PIGU: variants seen among roughly 807,000 people sequenced by gnomAD.
PIGU encodes the protein phosphatidylinositol glycan anchor biosynthesis class U.
PIGU carries 24 observed loss-of-function variants against 49.9 expected under a neutral mutation model. The observed-to-expected ratio is 0.48, with a 90% CI of 0.35 to 0.68. PIGU has a LOEUF of 0.68. Among genes scored for constraint, PIGU ranks in the 30% least tolerant of loss-of-function variants. The pLI is 0.01. For missense variants in PIGU, 490 were observed against 532.6 expected, an observed-to-expected ratio of 0.92 and a Z score of 0.79; for synonymous variants, 220 against 205.7, an observed-to-expected ratio of 1.07 and a Z score of -0.59.
chr20:34,580,657 T>C (rs1046965314), intron 10 of PIGU, among the ~76,000 whole-genome samples: 2 of 152,202 alleles, frequency 1.3e-5, no homozygotes, highest in Admixed American at 6.5e-5. Flanking sequence ...ACTGCCTCTT[T>C]ATTGGGGAGG....
chr20:34,653,021 G>A (rs150641475), intron 2 of PIGU, among the ~76,000 whole-genome samples: 125 of 148,574 alleles, frequency 8.4e-4, no homozygotes, highest in African/African-American at 3.0e-3. Flanking sequence ...CGCCCAGGTT[G>A]GAGTGCAGTG....
At chr20:34,663,727 A>C (rs1986996592) in intron 1 of PIGU, among the ~76,000 whole-genome samples, 1 of 152,224 alleles carries the variant, frequency 6.6e-6, no homozygotes, top group African/African-American at 2.4e-5. Context: ...GCTGCGTAAT[A>C]GCTATTAAAT....
intron 7 of PIGU, among the ~76,000 whole-genome samples, chr20:34,603,240 G>A (rs1397396086): frequency 6.6e-6 from 1 of 152,032 alleles, no homozygotes; most frequent in African/African-American, 2.4e-5. Context: ...TTGTCAGGAG[G>A]CTTGGTTTTT....
At chr20:34,605,498 C>T (rs1984578874) in intron 7 of PIGU, among the ~76,000 whole-genome samples, 1 of 152,180 alleles carries the variant, frequency 6.6e-6, no homozygotes, top group Admixed American at 6.5e-5. Flanking sequence ...GTGATCATGT[C>T]CTTTCATGAA....
intron 7 of PIGU, among the ~76,000 whole-genome samples, chr20:34,599,151 T>C (rs1984313651): frequency 6.6e-6 from 1 of 152,144 alleles, no homozygotes; most frequent in Admixed American, 6.6e-5. Flanking sequence ...AGTAAGACAC[T>C]AATCTCACCA....
intron 11 of PIGU, among the ~76,000 whole-genome samples, chr20:34,566,272 A>T (rs928214826): frequency 1.3e-5 from 2 of 152,214 alleles, no homozygotes; most frequent in African/African-American, 4.8e-5. Context: ...CCTCCCAACC[A>T]AATGGGGCTG....
At chr20:34,638,010 G>C in intron 4 of PIGU, 25 bp from the exon 5 acceptor site, 1 of 1,556,528 alleles carries the variant, frequency 6.4e-7, no homozygotes, top group South Asian at 1.2e-5. Context: ...AAAAGGAAAA[G>C]ATAAAACACA....
chr20:34,646,853 C>T (rs981313713), intron 2 of PIGU, among the ~76,000 whole-genome samples: 4 of 151,714 alleles, frequency 2.6e-5, no homozygotes, highest in Non-Finnish European at 5.9e-5. Context: ...GACAGACTCT[C>T]GCACTGTTGC....
At chr20:34,565,813 TCACA>T (rs10582086) in intron 11 of PIGU, among the ~76,000 whole-genome samples, 2 of 148,176 alleles carry the variant, frequency 1.3e-5, no homozygotes, top group Non-Finnish European at 3.0e-5. Flanking sequence ...CTTGCACTGC[TCACA>T]CAGGCTCGCA....
chr20:34,590,924 G>C (rs1057206335), intron 7 of PIGU, among the ~76,000 whole-genome samples: 1 of 151,996 alleles, frequency 6.6e-6, no homozygotes, highest in Non-Finnish European at 1.5e-5. Flanking sequence ...AGGAGGCTGA[G>C]GCAGGAGAAT....
chr20:34,591,404 C>A lies in PIGU; in HGVS notation c.628-2797G>T, dbSNP rs562602643. 2.8e-4 allele frequency among the ~76,000 whole-genome samples: 42 copies of A among 152,268 alleles called. No homozygotes were observed. In the South Asian group the frequency reaches 8.5e-3, roughly 31 times the overall value. On this transcript the variant is annotated intron_variant, in intron 7 of 11. Transcript: ENST00000217446. ...GAAGCACATTTCACAAGTTTAATCT[C>A]ATAAGATCTTACAAATCATACTTAT...
chr20:34,609,141 CAAACAAA>C lies in PIGU; in HGVS notation c.627+6894_627+6900del, dbSNP rs1452642233. 2.6e-5 allele frequency among the ~76,000 whole-genome samples: 4 copies of C among 151,818 alleles called. No individual in the cohort carries two copies. The East Asian group carries it at 5.8e-4, about 22-fold the overall frequency. On this transcript the variant is annotated intron_variant, in intron 7 of 11. Coordinates refer to ENST00000217446, the MANE Select transcript of PIGU (RefSeq NM_080476.5). Reference sequence around the variant, plus strand: ...AAAAAAAACCAACCAACCAACCAAACAAACAAAAAACAAAAAACAAGCCAGCCATGGT... The same window carrying C: ...AAAAAAAACCAACCAACCAACCAAACAAACAAAAAACAAGCCAGCCATGGT...
At chr20:34,640,835 C>T (rs1986136153) in intron 4 of PIGU, among the ~76,000 whole-genome samples, 1 of 152,148 alleles carries the variant, frequency 6.6e-6, no homozygotes, top group African/African-American at 2.4e-5. Flanking sequence ...CTCTATACAG[C>T]CCTTTCCTTG....
chr20:34,595,095 CAAAAAAAAAAAAAAAAAA>C (rs71194627), intron 7 of PIGU, among the ~76,000 whole-genome samples: 2 of 71,334 alleles, frequency 2.8e-5, no homozygotes, highest in Admixed American at 4.1e-4. Flanking sequence ...GACTCCGTCT[CAAAAAAAAAAAAAAAAAA>C]AAAAAGAAAA....
chr20:34,613,388 C>T (rs1026291769), intron 7 of PIGU, among the ~76,000 whole-genome samples: 3 of 152,204 alleles, frequency 2.0e-5, no homozygotes, highest in Non-Finnish European at 4.4e-5. Flanking sequence ...AGCTGCTTGA[C>T]TTAATGAGTC....
At chr20:34,674,309 C>G (rs1853057) in intron 1 of PIGU, among the ~76,000 whole-genome samples, 59,327 of 151,428 alleles carry the variant, frequency 0.39, 11,976 homozygotes, top group Admixed American at 0.56. Flanking sequence ...GAGCCGAGAT[C>G]GCGCCATTGC....
rs1349884771 is a variant in PIGU, at chr20:34,611,650, A to G, written c.627+4392T>C. On this transcript the variant is annotated intron_variant, in intron 7 of 11. Transcript: ENST00000217446. ...AACAGAGCAAGACTCAAGTCTCAGA[A>G]AAAAAAAAAAAAAAAGACAAAAAAA... 6.4e-3 allele frequency among the ~76,000 whole-genome samples: 361 copies of G among 56,026 alleles called. 2 individuals are homozygous for G. Among genetic ancestry groups the G allele is most frequent in the African/African-American group, 0.031 (345 of 11,016 alleles). 36.8% of individuals were successfully genotyped at this position (56,026 alleles called of 152,430 possible).
At chr20:34,672,865 A>T (rs1312570126) in intron 1 of PIGU, among the ~76,000 whole-genome samples, 5 of 150,326 alleles carry the variant, frequency 3.3e-5, no homozygotes, top group Non-Finnish European at 7.4e-5. Flanking sequence ...TCAAAAAAAA[A>T]AAAAAAAAAA....
intron 9 of PIGU, among the ~76,000 whole-genome samples, chr20:34,583,323 G>A (rs1198824302): frequency 2.6e-5 from 4 of 152,184 alleles, no homozygotes; most frequent in Admixed American, 6.5e-5. Context: ...GTGAAAATGC[G>A]GTGACAAAAA....
Sources: allele counts gnomAD v4.1 joint callset (sites outside exome capture counted in the v4.1 genomes callset), GRCh38; gene constraint gnomAD v4.1.1; transcripts MANE v1.5; gene names NCBI Gene and HGNC (gene_info 2026-07-23, HGNC 2026-07-21).